PRDM16: variants seen among roughly 807,000 people sequenced by gnomAD.
The protein encoded by PRDM16 is PR/SET domain 16, also known as histone-lysine N-methyltransferase PRDM16.
PRDM16 carries 23 observed loss-of-function variants against 110.6 expected under a neutral mutation model. The observed-to-expected ratio is 0.21, with a 90% CI of 0.15 to 0.29. PRDM16 has a LOEUF of 0.29. PRDM16 is among the 10% of genes least tolerant of loss of function. PRDM16 has a pLI of 1.00. For missense variants in PRDM16, 1,615 were observed against 1,794.3 expected, an observed-to-expected ratio of 0.90 and a Z score of 1.81; for synonymous variants, 799 against 781.8, an observed-to-expected ratio of 1.02 and a Z score of -0.37.
intron 3 of PRDM16, among the ~76,000 whole-genome samples, chr1:3,268,637 C>T (rs965317675): frequency 6.6e-6 from 1 of 152,234 alleles, no homozygotes; most frequent in Non-Finnish European, 1.5e-5. Flanking sequence ...CCACAGCTGC[C>T]CCTGCAGCAC....
chr1:3,396,309 G>T lies in PRDM16; in HGVS notation c.574-182G>T, dbSNP rs750794918. 2.8e-5 allele frequency: 19 copies of T among 677,076 alleles called. No individual in the cohort carries two copies. The East Asian group carries it at 5.1e-4, about 18-fold the overall frequency. 41.9% of individuals were successfully genotyped at this position (677,076 alleles called of 1,614,324 possible). A position where few individuals can be genotyped will look rare whatever the true frequency, so the allele number is the denominator to read the frequency against. ...AACCCAATAAAGCAAATTAAAAGGG[G>T]ACGCAATTCCTTCTGCGCATACTCT... On this transcript the variant is annotated intron_variant, in intron 4 of 16. Coordinates refer to ENST00000270722, the MANE Select transcript of PRDM16 (RefSeq NM_022114.4).
chr1:3,185,775 A>T (rs543033408), intron 1 of PRDM16, among the ~76,000 whole-genome samples: 6 of 152,352 alleles, frequency 3.9e-5, no homozygotes, highest in Non-Finnish European at 5.9e-5. Context: ...AGGCACAGGC[A>T]GCTCCTTCCC....
chr1:3,120,561 C>G (rs934633688), intron 1 of PRDM16, among the ~76,000 whole-genome samples: 5 of 152,152 alleles, frequency 3.3e-5, no homozygotes, highest in African/African-American at 1.2e-4. Context: ...AAAGAGAAAC[C>G]CAGGCAGCCA....
chr1:3,374,954 G>A (rs998083601), intron 3 of PRDM16, among the ~76,000 whole-genome samples: 3 of 152,228 alleles, frequency 2.0e-5, no homozygotes, highest in Non-Finnish European at 4.4e-5. Context: ...AACCTTCGGT[G>A]TCCGGGCAGG....
chr1:3,127,322 G>A (rs1259402848), intron 1 of PRDM16, among the ~76,000 whole-genome samples: 1 of 152,202 alleles, frequency 6.6e-6, no homozygotes, highest in Non-Finnish European at 1.5e-5. Flanking sequence ...GCTGATATAT[G>A]TTGGTTTCTG....
chr1:3,120,951 A>G (rs1643080860), intron 1 of PRDM16, among the ~76,000 whole-genome samples: 1 of 152,162 alleles, frequency 6.6e-6, no homozygotes, highest in South Asian at 2.1e-4. Flanking sequence ...TGTCTGAGGG[A>G]CCTTCACATG....
intron 1 of PRDM16, among the ~76,000 whole-genome samples, chr1:3,135,284 A>AG (rs1235505442): frequency 6.6e-6 from 1 of 152,044 alleles, no homozygotes; most frequent in Admixed American, 6.5e-5. Flanking sequence ...AGGGGGCCTC[A>AG]GGGAGGTCTG....
intron 3 of PRDM16, among the ~76,000 whole-genome samples, chr1:3,322,692 G>T (rs1257336425): frequency 6.6e-6 from 1 of 152,204 alleles, no homozygotes; most frequent in Non-Finnish European, 1.5e-5. Context: ...TTCTCCCCCA[G>T]ATGGCCACCC....
intron 1 of PRDM16, among the ~76,000 whole-genome samples, chr1:3,092,597 A>G (rs1642302924): frequency 6.6e-6 from 1 of 152,212 alleles, no homozygotes; most frequent in African/African-American, 2.4e-5. Context: ...GGAGGCACAC[A>G]CTGCATCCCC....
chr1:3,420,702 T>C (rs1253214098), intron 12 of PRDM16, among the ~76,000 whole-genome samples: 1 of 152,164 alleles, frequency 6.6e-6, no homozygotes, highest in African/African-American at 2.4e-5. Context: ...TAGAGGTCTT[T>C]GAGTGAAGCG....
At chr1:3,076,860 A>G (rs572924057) in intron 1 of PRDM16, among the ~76,000 whole-genome samples, 6 of 152,180 alleles carry the variant, frequency 3.9e-5, no homozygotes, top group Non-Finnish European at 7.3e-5. Context: ...TCTGACACCA[A>G]ATGTATATTC....
rs75014445 is a variant in PRDM16, at chr1:3,311,566, C to T, written c.438+67429C>T. Among the ~76,000 whole-genome samples the T allele has an allele frequency of 7.4e-4, 112 of 152,308 alleles. 1 individual carries two copies. In the East Asian group the frequency reaches 0.02, roughly 27 times the overall value. On this transcript the variant is annotated intron_variant, in intron 3 of 16. Coordinates refer to ENST00000270722, the MANE Select transcript of PRDM16 (RefSeq NM_022114.4). Reference sequence around the variant, plus strand: ...AGGCCCAAAACCAGCCAGCGTGGTACGACTTTGCCATCATTTAATCCTTGG... The same window carrying T: ...AGGCCCAAAACCAGCCAGCGTGGTATGACTTTGCCATCATTTAATCCTTGG...
chr1:3,294,794 C>T (rs1180729946), intron 3 of PRDM16, among the ~76,000 whole-genome samples: 1 of 152,194 alleles, frequency 6.6e-6, no homozygotes. Flanking sequence ...ACAAACCAAG[C>T]CCAGGTCCTG....
In PRDM16 at chr1:3,433,861, A is replaced by G. The variant is rs2493270; in HGVS notation, c.*50A>G. 56,211 of 1,603,706 alleles carry G rather than the reference A, an allele frequency of 0.035. 3,862 individuals are homozygous for G. The highest frequency in any genetic ancestry group is 0.24 in the African/African-American group (17,876 of 74,888). ...GGCCAGAGCGAGGGCACCAGCCACGAAGGACGGAGGCGGGCGGGGCCCCGG... is the reference window on the plus strand; with the variant it reads ...GGCCAGAGCGAGGGCACCAGCCACGGAGGACGGAGGCGGGCGGGGCCCCGG... On this transcript the variant is annotated 3_prime_UTR_variant, in exon 17 of 17. Coordinates refer to ENST00000270722, the MANE Select transcript of PRDM16 (RefSeq NM_022114.4).
At chr1:3,302,116 T>C (rs977673499) in intron 3 of PRDM16, among the ~76,000 whole-genome samples, 9 of 152,210 alleles carry the variant, frequency 5.9e-5, no homozygotes, top group African/African-American at 2.2e-4. Context: ...GGAGAGATAC[T>C]GTGTTAGGTT....
chr1:3,293,114 C>T (rs1177271405), intron 3 of PRDM16, among the ~76,000 whole-genome samples: 5 of 152,238 alleles, frequency 3.3e-5, no homozygotes, highest in Non-Finnish European at 4.4e-5. Context: ...CCCTATATTC[C>T]ACCCCAGCTC....
At chr1:3,110,285 A>C (rs1283995299) in intron 1 of PRDM16, among the ~76,000 whole-genome samples, 2 of 132,998 alleles carry the variant, frequency 1.5e-5, no homozygotes, top group Non-Finnish European at 3.1e-5. Flanking sequence ...GGGTGTGGGG[A>C]CACAGTGTCT....
At chr1:3,289,016 G>T (rs1050834030) in intron 3 of PRDM16, among the ~76,000 whole-genome samples, 11 of 152,320 alleles carry the variant, frequency 7.2e-5, no homozygotes, top group Admixed American at 6.5e-4. Flanking sequence ...AGGGGCAGGG[G>T]AACTTGGCTG....
At chr1:3,098,547 G>A (rs1035130790) in intron 1 of PRDM16, among the ~76,000 whole-genome samples, 2 of 152,172 alleles carry the variant, frequency 1.3e-5, no homozygotes, top group African/African-American at 2.4e-5. Context: ...GTGAAGGTCC[G>A]ACCCAGAGCC....
Sources: gnomAD v4.1 joint callset for allele counts (sites outside exome capture counted in the v4.1 genomes callset) on GRCh38, gnomAD v4.1.1 for gene constraint, MANE v1.5 for transcripts, NCBI Gene and HGNC (gene_info 2026-07-23, HGNC 2026-07-21) for gene names.